Variants in PLEKHA6 observed in about 807,000 individuals in gnomAD.
The protein encoded by PLEKHA6 is pleckstrin homology domain-containing family A member 6.
A neutral mutation model predicts 116.7 loss-of-function variants in PLEKHA6; 60 were observed. That is an observed-to-expected ratio of 0.51 (90% confidence interval 0.42 to 0.64). PLEKHA6 has a LOEUF of 0.64. Among genes scored for constraint, PLEKHA6 ranks in the 30% least tolerant of loss-of-function variants. The pLI, the probability that PLEKHA6 is intolerant of heterozygous loss-of-function variation, is 0.00. For missense variants in PLEKHA6, 1,338 were observed against 1,422.7 expected, an observed-to-expected ratio of 0.94 and a Z score of 0.96; for synonymous variants, 489 against 556.1, an observed-to-expected ratio of 0.88 and a Z score of 1.70.
At chr1:204,336,432 A>G (rs1471971166) in intron 1 of PLEKHA6, among the ~76,000 whole-genome samples, 1 of 152,230 alleles carries the variant, frequency 6.6e-6, no homozygotes, top group African/African-American at 2.4e-5. Context: ...ATCTTCTGCT[A>G]CCACTGTACA....
intron 9 of PLEKHA6, chr1:204,251,380 T>C: frequency 1.8e-6 from 1 of 559,980 alleles, no homozygotes; most frequent in Non-Finnish European, 3.2e-6. Context: ...GGTGACATAG[T>C]GGAATTAAGG....
chr1:204,250,724 C>T (rs1340794705), intron 9 of PLEKHA6, 110 bp from the exon 10 acceptor site: 1 of 777,886 alleles, frequency 1.3e-6, no homozygotes, highest in Non-Finnish European at 2.3e-6. Flanking sequence ...CATGGTCCGT[C>T]ACCTCTGGTA....
At chr1:204,363,347 G>T (rs1673595502), upstream of PLEKHA6, among the ~76,000 whole-genome samples, 1 of 152,230 alleles carries the variant, frequency 6.6e-6, no homozygotes, top group Admixed American at 6.5e-5. Context: ...GCGCGCCAGG[G>T]CCGTGGGTGG....
At chr1:204,375,912 G>C (rs189571439) in intron 1 of PLEKHA6, among the ~76,000 whole-genome samples, 1 of 97,326 alleles carries the variant, frequency 1.0e-5, no homozygotes, top group East Asian at 2.9e-4. Context: ...CTACTTCCAA[G>C]GCTTCTTTCA....
intron 1 of PLEKHA6, chr1:204,299,760 GTC>G: frequency 3.0e-6 from 1 of 335,992 alleles, no homozygotes; most frequent in Non-Finnish European, 4.2e-6. Context: ...ATGAGCTAAT[GTC>G]CCCTTTAAGA....
upstream of PLEKHA6, chr1:204,359,949 C>T (rs1673522121): frequency 6.6e-6 from 1 of 152,654 alleles, no homozygotes; most frequent in African/African-American, 2.4e-5. Flanking sequence ...TGGGCATGCT[C>T]CATCGGCTCC....
At chr1:204,332,133 C>T (rs1672476145) in intron 1 of PLEKHA6, among the ~76,000 whole-genome samples, 1 of 152,138 alleles carries the variant, frequency 6.6e-6, no homozygotes, top group African/African-American at 2.4e-5. Flanking sequence ...AGGAGCCTGC[C>T]CTAGCTCACC....
At chr1:204,326,332 T>C (rs1407045663) in intron 1 of PLEKHA6, among the ~76,000 whole-genome samples, 1 of 152,210 alleles carries the variant, frequency 6.6e-6, no homozygotes, top group Non-Finnish European at 1.5e-5. Context: ...CGGTCACGTC[T>C]TAGCTCATCA....
rs1662431413 is a variant in PLEKHA6, at chr1:204,238,913, G to T, written c.2409+2462C>A. Among the ~76,000 whole-genome samples the T allele has an allele frequency of 1.3e-5, 2 of 152,262 alleles. No individual in the cohort carries two copies. Among genetic ancestry groups the T allele is most frequent in the Admixed American group, 6.5e-5 (1 of 15,288 alleles). On this transcript the variant is annotated intron_variant, in intron 17 of 22. Transcript: ENST00000272203. This position sits in a 1 kb window ranked among gnomAD's most constrained non-coding sequence, Gnocchi z 4.2. ...TGGCTGTGCACTTTGCATGGAAGGA[G>T]AAATGGCCAGATGTGCGATTATATA...
chr1:204,317,625 T>A (rs1418307573), intron 1 of PLEKHA6, among the ~76,000 whole-genome samples: 1 of 152,208 alleles, frequency 6.6e-6, no homozygotes, highest in Non-Finnish European at 1.5e-5. Flanking sequence ...AACTACCCTG[T>A]CTTACAGATA....
intron 1 of PLEKHA6, chr1:204,280,330 T>C: frequency 2.0e-6 from 2 of 985,416 alleles, no homozygotes; most frequent in Non-Finnish European, 2.4e-6. Flanking sequence ...TTTCACGATC[T>C]TTTGCAGGCA....
At chr1:204,248,154 C>CAT (rs1558057140) in intron 12 of PLEKHA6, among the ~76,000 whole-genome samples, 2 of 60,684 alleles carry the variant, frequency 3.3e-5, no homozygotes, top group South Asian at 4.7e-4. Flanking sequence ...AGGGCAGCAG[C>CAT]CTTTTTTTTT....
intron 12 of PLEKHA6, among the ~76,000 whole-genome samples, chr1:204,248,613 C>T (rs1664106994): frequency 6.6e-6 from 1 of 152,218 alleles, no homozygotes; most frequent in Non-Finnish European, 1.5e-5. Context: ...AGCTCATTTC[C>T]TCGGTGGAGA....
At chr1:204,237,193 T>C (rs544541601) in intron 17 of PLEKHA6, among the ~76,000 whole-genome samples, 1 of 152,128 alleles carries the variant, frequency 6.6e-6, no homozygotes, top group Non-Finnish European at 1.5e-5. Context: ...GTCCAGTGGG[T>C]TCCCAGACTC....
chr1:204,226,507 G>A (rs1660388869), intron 21 of PLEKHA6, among the ~76,000 whole-genome samples: 1 of 152,176 alleles, frequency 6.6e-6, no homozygotes. Flanking sequence ...TGTGGAATCT[G>A]ATCTTTGGAA....
At chr1:204,340,470 G>A (rs988885805) in intron 1 of PLEKHA6, among the ~76,000 whole-genome samples, 17 of 152,144 alleles carry the variant, frequency 1.1e-4, no homozygotes, top group Non-Finnish European at 1.6e-4. Flanking sequence ...GCACAACTGC[G>A]GAGAGGCAGG....
Position 204,228,818 on chromosome 1 carries a change from T to G in PLEKHA6, c.2795A>C (p.Asp932Ala). The change falls in exon 20 of 23, where the codon GAC becomes GCC. Residue 932 changes from aspartate to alanine, a missense_variant. This residue lies in a region of PLEKHA6 where 1,136 missense variants were observed against 1,163.6 expected (regional missense o/e 0.98). Transcript: ENST00000272203. The surrounding 1 kb of genome is among the most constrained non-coding windows in gnomAD (Gnocchi z 4.0). ...GCTCAGGGGAGTGTCAGGCTCCAGGTCAATGTACCGTTCAGGGATGAGGAC... is the reference window on the plus strand; with the variant it reads ...GCTCAGGGGAGTGTCAGGCTCCAGGGCAATGTACCGTTCAGGGATGAGGAC... ...DKVLIPERYI[D>A]LEPDTPLSPE... 2 of 1,613,970 alleles carry G rather than the reference T, an allele frequency of 1.2e-6. No homozygotes were observed. The highest frequency in any genetic ancestry group is 1.7e-6 in the Non-Finnish European group (2 of 1,179,916).
intron 3 of PLEKHA6, among the ~76,000 whole-genome samples, chr1:204,366,349 C>T (rs6675826): frequency 0.22 from 32,485 of 147,394 alleles, 4,155 homozygotes; most frequent in African/African-American, 0.36. Context: ...GAAAGGAAGA[C>T]GAAGAAGGAG....
chr1:204,375,249 C>T (rs1344783233), intron 1 of PLEKHA6, among the ~76,000 whole-genome samples: 2 of 152,104 alleles, frequency 1.3e-5, no homozygotes, highest in African/African-American at 4.8e-5. Context: ...AAACTCTATC[C>T]TGTATATCCA....
Sources: gnomAD v4.1 joint callset for allele counts (sites outside exome capture counted in the v4.1 genomes callset) on GRCh38, gnomAD v4.1.1 for gene constraint, gnomAD v4.1.1 regional missense constraint, Gnocchi (gnomAD v3.1) non-coding constraint, MANE v1.5 for transcripts, NCBI Gene and HGNC (gene_info 2026-07-23, HGNC 2026-07-21) for gene names.